Variants in RUNDC1 observed in about 807,000 individuals in gnomAD.
The protein encoded by RUNDC1 is RUN domain containing 1, also known as RUN domain-containing protein 1.
Under a neutral mutation model 49.3 loss-of-function variants are expected in RUNDC1, and 31 were observed. That is an observed-to-expected ratio of 0.63 (90% CI 0.47 to 0.85). The LOEUF is 0.85. Ranked by LOEUF, RUNDC1 falls within the 40% of genes least tolerant of loss-of-function variation. RUNDC1 has a pLI of 0.00. For missense variants in RUNDC1, 715 were observed against 806.7 expected (o/e 0.89, Z 1.38); for synonymous variants, 347 against 348.6 (o/e 1.00, Z 0.05).
Position 42,990,312 on chromosome 17 carries a change from T to G in RUNDC1, c.857-5T>G, listed in dbSNP as rs2050221094. The G allele has an allele frequency of 6.2e-7, 1 of 1,613,482 alleles. No homozygotes were observed. Among genetic ancestry groups the G allele is most frequent in the Non-Finnish European group, 8.5e-7 (1 of 1,179,852 alleles). ...AAGTGTCTCTTCTATAATTTCTGATTCCAGATGAAGTGGGAAGCCCCTTGC... is the reference window on the plus strand; with the variant it reads ...AAGTGTCTCTTCTATAATTTCTGATGCCAGATGAAGTGGGAAGCCCCTTGC... On this transcript the variant is annotated splice_region_variant and splice_polypyrimidine_tract_variant and intron_variant, in intron 3 of 4. Transcript: ENST00000361677.
rs1374397459 is a variant in RUNDC1 at position 42,989,669 on chromosome 17, CTG to C, written c.856+132_856+133del. The C allele has an allele frequency of 4.9e-6, 4 of 823,884 alleles. No homozygotes were observed. In the East Asian group the frequency reaches 1.1e-4, roughly 22 times the overall value. The allele number at this position is 823,884 out of a possible 1,614,324, so 51.0% of individuals were successfully genotyped here. A position where few individuals can be genotyped will look rare whatever the true frequency, so the allele number is the denominator to read the frequency against. On this transcript the variant is annotated intron_variant, in intron 3 of 4. Transcript: ENST00000361677. ...TGGGCGGTGGGGACAGTGTCTCTCT[CTG>C]TTCCCCTGGCTGGAGTGCAGTGGCA...
Position 42,993,318 on chromosome 17 carries a change from T to C in RUNDC1, c.*1602T>C, listed in dbSNP as rs2050269568. On this transcript the variant is annotated 3_prime_UTR_variant, in exon 5 of 5. Transcript: ENST00000361677. ...GGCATGCAGCTTGTGGTGAGTACTG[T>C]TCTAGGACTGGCCAAAAATGGGCAA... is the stretch of plus-strand genomic sequence containing the variant. 1 of 152,214 alleles carries C rather than the reference T, an allele frequency of 6.6e-6. No homozygotes were observed. Among genetic ancestry groups the C allele is most frequent in the African/African-American group, 2.4e-5 (1 of 41,438 alleles). The allele number at this position is 152,214 out of a possible 1,614,324, so 9.4% of individuals were successfully genotyped here.
rs1256797635 is a variant in RUNDC1, at chr17:42,991,255, C to T, written c.1381C>T (p.Pro461Ser). Residue 461 changes from proline to serine, a missense_variant, in exon 5 of 5, where the codon CCA (proline) becomes TCA (serine). Physicochemically the swap from Pro to Ser is moderately conservative, Grantham distance 74. Transcript: ENST00000361677. ...TATGGCTCCTATTGCTTGTTTGCTGCCAGCCTTCTCCTCGGCCCCAGAGGC... is the reference window on the plus strand; with the variant it reads ...TATGGCTCCTATTGCTTGTTTGCTGTCAGCCTTCTCCTCGGCCCCAGAGGC... ...LVMAPIACLL[P>S]AFSSAPEAMH... The T allele has an allele frequency of 2.5e-6, 4 of 1,614,238 alleles. No individual in the cohort carries two copies. The South Asian group carries it at 3.3e-5, about 13-fold the overall frequency.
intron 1 of RUNDC1, among the ~76,000 whole-genome samples, 190 bp from the exon 2 acceptor site, chr17:42,987,066 C>A (rs60927321): frequency 0.027 from 4,107 of 152,200 alleles, 193 homozygotes; most frequent in African/African-American, 0.094. Context: ...AAAGAAAACA[C>A]CCATTTGACA....
Position 42,994,496 on chromosome 17 carries a change from T to C in RUNDC1, c.*2780T>C, listed in dbSNP as rs1399839039. On this transcript the variant is annotated 3_prime_UTR_variant, in exon 5 of 5. Coordinates refer to ENST00000361677, the MANE Select transcript of RUNDC1 (RefSeq NM_173079.5). ...TGAATCCAGAGCCCACAGTCTATCTTTTCACTTCATTGTATCATGTTGTTT... is the reference window on the plus strand; with the variant it reads ...TGAATCCAGAGCCCACAGTCTATCTCTTCACTTCATTGTATCATGTTGTTT... 6.6e-6 allele frequency among the ~76,000 whole-genome samples: 1 copy of C among 152,166 alleles called. No individual in the cohort carries two copies. Among genetic ancestry groups the C allele is most frequent in the Admixed American group, 6.5e-5 (1 of 15,276 alleles).
intron 1 of RUNDC1, among the ~76,000 whole-genome samples, chr17:42,986,583 C>T (rs181422406): frequency 3.6e-4 from 54 of 152,038 alleles, no homozygotes; most frequent in African/African-American, 1.1e-3. Flanking sequence ...CTGCAAGCTC[C>T]GCCTCCCGGG....
chr17:42,987,229 A>G, intron 1 of RUNDC1, 27 bp from the exon 2 acceptor site: 1 of 1,610,832 alleles, frequency 6.2e-7, no homozygotes, highest in Non-Finnish European at 8.5e-7. Context: ...TGCCTGCATA[A>G]TAGACCCAAT....
chr17:42,992,458 A>T lies in RUNDC1; in HGVS notation c.*742A>T, dbSNP rs1263356032. On this transcript the variant is annotated 3_prime_UTR_variant, in exon 5 of 5. Transcript: ENST00000361677. ...GTAGTGCATGCCTGTAATCCCAGCTACTCAGGAGGCTGAGGCCGGAGAATC... is the reference window on the plus strand; with the variant it reads ...GTAGTGCATGCCTGTAATCCCAGCTTCTCAGGAGGCTGAGGCCGGAGAATC... 6.6e-6 allele frequency: 1 copy of T among 150,858 alleles called. No homozygotes were observed. Among genetic ancestry groups the T allele is most frequent in the African/African-American group, 2.4e-5 (1 of 40,834 alleles). 9.3% of individuals were successfully genotyped at this position (150,858 alleles called of 1,614,324 possible).
At chr17:42,989,315 G>A (rs1293381557) in intron 2 of RUNDC1, 26 bp from the exon 3 acceptor site, 2 of 1,588,170 alleles carry the variant, frequency 1.3e-6, no homozygotes, top group Admixed American at 3.3e-5. Context: ...TCCAAAGGGT[G>A]TGCTCATTGC....
rs182270488 is a variant in RUNDC1, at chr17:42,993,814, T to G, written c.*2098T>G. The G allele has an allele frequency of 1.3e-5, 2 of 152,286 alleles. No individual in the cohort carries two copies. Among genetic ancestry groups the G allele is most frequent in the African/African-American group, 4.8e-5 (2 of 41,560 alleles). The allele number at this position is 152,286 out of a possible 1,614,324, so 9.4% of individuals were successfully genotyped here. On this transcript the variant is annotated 3_prime_UTR_variant, in exon 5 of 5. Transcript: ENST00000361677. ...GACCATCTCCTCCTGCCCACGCCTGTAGTCCCTCCCCACAACAGATGTCAT... is the reference window on the plus strand; with the variant it reads ...GACCATCTCCTCCTGCCCACGCCTGGAGTCCCTCCCCACAACAGATGTCAT...
In RUNDC1 at chr17:42,980,987, C is replaced by G. The variant is rs774946106; in HGVS notation, c.411C>G (p.Val137=). 2.5e-5 allele frequency: 39 copies of G among 1,545,916 alleles called. No individual in the cohort carries two copies. The African/African-American group carries it at 4.2e-4, about 17-fold the overall frequency. The stretch of plus-strand genomic sequence containing the variant: ...TCGCCTTCCGCGGCTGCCCTCACGT[C>G]CTAGGTTACGAAGGGCCCGGCGACC... ...EDFAFRGCPH[V]LGYEGPGDPA... is the part of the protein sequence containing the mutation. The change falls in exon 1 of 5, where the codon GTC becomes GTG. Residue 137 remains valine, a synonymous_variant. Coordinates refer to ENST00000361677, the MANE Select transcript of RUNDC1 (RefSeq NM_173079.5).
chr17:42,982,342 T>C (rs898055590), intron 1 of RUNDC1, among the ~76,000 whole-genome samples: 29 of 152,264 alleles, frequency 1.9e-4, no homozygotes, highest in African/African-American at 6.5e-4. Context: ...TCTTCCCACT[T>C]ACATTGGTTT....
In RUNDC1 at chr17:42,993,526, A is replaced by G. The variant is rs2151962529; in HGVS notation, c.*1810A>G. On this transcript the variant is annotated 3_prime_UTR_variant, in exon 5 of 5. Coordinates refer to ENST00000361677, the MANE Select transcript of RUNDC1 (RefSeq NM_173079.5). The stretch of plus-strand genomic sequence containing the variant: ...ATTAGTTCACCTTCCCTGTGAAACA[A>G]GAGAATTGTAAAATGTTGTGGAAAA... 6.6e-6 allele frequency: 1 copy of G among 152,360 alleles called. No individual in the cohort carries two copies. The highest frequency in any genetic ancestry group is 2.1e-4 in the South Asian group (1 of 4,824). 9.4% of individuals were successfully genotyped at this position (152,360 alleles called of 1,614,324 possible). A position where few individuals can be genotyped will look rare whatever the true frequency, so the allele number is the denominator to read the frequency against.
At position 42,980,573 on chromosome 17, in the gene RUNDC1, G is replaced by A. The variant is rs1193378595; in HGVS notation, c.-4G>A. On this transcript the variant is annotated 5_prime_UTR_variant, in exon 1 of 5. Transcript: ENST00000361677. Reference sequence around the variant, plus strand: ...GGCTGACGTGCGGTGGTGTTTCCGGGAAGATGGCGGCTGTCGAAGCGGCTG... The same window carrying A: ...GGCTGACGTGCGGTGGTGTTTCCGGAAAGATGGCGGCTGTCGAAGCGGCTG... 1.2e-6 allele frequency: 2 copies of A among 1,609,596 alleles called. No individual in the cohort carries two copies. Among genetic ancestry groups the A allele is most frequent in the Admixed American group, 1.7e-5 (1 of 59,844 alleles).
At position 42,992,285 on chromosome 17, in the gene RUNDC1, C is replaced by G. The variant is rs1173884113; in HGVS notation, c.*569C>G. On this transcript the variant is annotated 3_prime_UTR_variant, in exon 5 of 5. Transcript: ENST00000361677. ...GTGCTTGAGCCTGTATTAAAGGAAT[C>G]AGGCCAGGCACAGTGGCTCACGCCT... is the stretch of plus-strand genomic sequence containing the variant. 6.5e-6 allele frequency: 1 copy of G among 153,444 alleles called. No homozygotes were observed. Among genetic ancestry groups the G allele is most frequent in the Non-Finnish European group, 1.4e-5 (1 of 69,412 alleles). The allele number at this position is 153,444 out of a possible 1,614,324, so 9.5% of individuals were successfully genotyped here. A position where few individuals can be genotyped will look rare whatever the true frequency, so the allele number is the denominator to read the frequency against.
chr17:42,990,160 G>A (rs1204092609), intron 3 of RUNDC1, among the ~76,000 whole-genome samples, 157 bp from the exon 4 acceptor site: 1 of 152,178 alleles, frequency 6.6e-6, no homozygotes, highest in African/African-American at 2.4e-5. Flanking sequence ...TATTTATTGA[G>A]CCAACTACTG....
chr17:42,990,224 T>G, intron 3 of RUNDC1, 93 bp from the exon 4 acceptor site: 3 of 1,505,506 alleles, frequency 2.0e-6, no homozygotes, highest in Non-Finnish European at 2.7e-6. Context: ...GTGAAATTCT[T>G]GTTTCTAATA....
chr17:42,987,270 G>A lies in RUNDC1; in HGVS notation c.513G>A (p.Lys171=), dbSNP rs2050183685. The A allele has an allele frequency of 6.2e-7, 1 of 1,613,972 alleles. No individual in the cohort carries two copies. The stretch of plus-strand genomic sequence containing the variant: ...TCTTGCCTTAGAGTGAGCAGGAAAA[G>A]CAAGAGCGTCTGGAAACCCAAAGGG... ...LRGEDQSEQE[K]QERLETQREK... is the part of the protein sequence containing the mutation. Residue 171 remains lysine, a synonymous_variant, in exon 2 of 5, where the codon AAG becomes AAA. Coordinates refer to ENST00000361677, the MANE Select transcript of RUNDC1 (RefSeq NM_173079.5).
Position 42,994,448 on chromosome 17 carries a change from C to G in RUNDC1, c.*2732C>G, listed in dbSNP as rs1429932838. On this transcript the variant is annotated 3_prime_UTR_variant, in exon 5 of 5. Transcript: ENST00000361677. ...CCTGGTTTACATGATGATGGAAGACCTGAGATTTGGAGTCAAGTTTTCTGA... is the reference window on the plus strand; with the variant it reads ...CCTGGTTTACATGATGATGGAAGACGTGAGATTTGGAGTCAAGTTTTCTGA... Among the ~76,000 whole-genome samples the G allele has an allele frequency of 1.3e-5, 2 of 152,168 alleles. No individual in the cohort carries two copies. Among genetic ancestry groups the G allele is most frequent in the African/African-American group, 4.8e-5 (2 of 41,444 alleles).
Sources: gnomAD v4.1 joint callset for allele counts (sites outside exome capture counted in the v4.1 genomes callset) on GRCh38, gnomAD v4.1.1 for gene constraint, MANE v1.5 for transcripts, NCBI Gene and HGNC (gene_info 2026-07-23, HGNC 2026-07-21) for gene names.